PALLD: variants seen among roughly 807,000 people sequenced by gnomAD.
The protein encoded by PALLD is palladin.
PALLD carries 61 observed loss-of-function variants against 123.5 expected under a neutral mutation model. The ratio of observed to expected loss-of-function variants is 0.49; its 90% confidence interval spans 0.40 to 0.61. PALLD has a LOEUF of 0.61. Ranked by LOEUF, PALLD falls within the 20% of genes least tolerant of loss-of-function variation. The probability of loss-of-function intolerance (pLI) is 0.00; values close to 1 mark genes in which losing one functional copy is unlikely to be tolerated. For missense variants in PALLD, 1,273 were observed against 1,377.0 expected (o/e 0.92, Z 1.20); for synonymous variants, 465 against 496.4 (o/e 0.94, Z 0.84).
intron 2 of PALLD, chr4:168,631,539 C>A: frequency 1.2e-6 from 1 of 860,242 alleles, no homozygotes; most frequent in Non-Finnish European, 1.4e-6. Context: ...CTCCCCAGGA[C>A]ACACCCTCTC....
chr4:168,559,550 T>A (rs1241633880), intron 2 of PALLD, among the ~76,000 whole-genome samples: 1 of 152,136 alleles, frequency 6.6e-6, no homozygotes, highest in Non-Finnish European at 1.5e-5. Flanking sequence ...AAGAACATTA[T>A]TATAGTGATA....
intron 2 of PALLD, among the ~76,000 whole-genome samples, chr4:168,568,758 T>A (rs1461311367): frequency 6.6e-6 from 1 of 150,744 alleles, no homozygotes; most frequent in African/African-American, 2.4e-5. Flanking sequence ...ATATGTATAT[T>A]TTATATGTAA....
chr4:168,836,318 A>G (rs1745183203), intron 10 of PALLD, among the ~76,000 whole-genome samples: 1 of 152,240 alleles, frequency 6.6e-6, no homozygotes, highest in South Asian at 2.1e-4. Context: ...GGCTTATTTG[A>G]TGGAAAAGAT....
chr4:168,879,103 T>C (rs1752259421), intron 10 of PALLD, among the ~76,000 whole-genome samples: 1 of 152,224 alleles, frequency 6.6e-6, no homozygotes, highest in Non-Finnish European at 1.5e-5. Flanking sequence ...GAAATTATGA[T>C]GCCAGTTTTG....
chr4:168,911,563 G>A (rs956128735), intron 15 of PALLD, among the ~76,000 whole-genome samples: 10 of 152,160 alleles, frequency 6.6e-5, no homozygotes, highest in African/African-American at 2.2e-4. Flanking sequence ...GTGTTATCTT[G>A]TATGATGCAT....
At chr4:168,706,737 A>G (rs1028145932) in intron 8 of PALLD, among the ~76,000 whole-genome samples, 2 of 152,234 alleles carry the variant, frequency 1.3e-5, no homozygotes, top group African/African-American at 2.4e-5. Flanking sequence ...TATAGGCCAT[A>G]TTACTTGGTA....
At chr4:168,576,032 G>C (rs1049035913) in intron 2 of PALLD, among the ~76,000 whole-genome samples, 10 of 152,028 alleles carry the variant, frequency 6.6e-5, no homozygotes, top group African/African-American at 2.4e-4. Flanking sequence ...GTCTAGAAAG[G>C]ATAAAATCAT....
rs749480414 is a variant in PALLD at position 168,869,353 on chromosome 4, G to A, written c.1965-21569G>A. On this transcript the variant is annotated intron_variant, in intron 10 of 21. Coordinates refer to ENST00000505667, the MANE Select transcript of PALLD (RefSeq NM_001166108.2). The surrounding 1 kb of genome is among the most constrained non-coding windows in gnomAD (Gnocchi z 4.5). ...TGATAATGCCACTGCCAAACTGACA[G>A]TGCCATGCCAGCCTTGTGGGCTGGA... is the stretch of plus-strand genomic sequence containing the variant. Among the ~76,000 whole-genome samples the A allele has an allele frequency of 5.9e-5, 9 of 152,170 alleles. No individual in the cohort carries two copies. Among genetic ancestry groups the A allele is most frequent in the Non-Finnish European group, 1.2e-4 (8 of 68,030 alleles).
chr4:168,681,273 C>A, intron 3 of PALLD, 59 bp from the exon 4 acceptor site: 3 of 969,004 alleles, frequency 3.1e-6, no homozygotes, highest in South Asian at 1.3e-5. Flanking sequence ...TAATTCTTTG[C>A]AATTATTATA....
In PALLD at chr4:168,891,003, A is replaced by G. The variant is rs1178865222; in HGVS notation, c.2046A>G (p.Gln682=). The change falls in exon 11 of 22, where the codon CAA becomes CAG. Residue 682 remains glutamine, a synonymous_variant. Coordinates refer to ENST00000505667, the MANE Select transcript of PALLD (RefSeq NM_001166108.2). The stretch of plus-strand genomic sequence containing the variant: ...AAGGCACAAAGGATGCTGTTATTCA[A>G]GACCTGGAACGAAAACTTCGCTTCA... The part of the protein sequence containing the change: ...EIQGTKDAVI[Q]DLERKLRFKE... The G allele has an allele frequency of 6.2e-7, 1 of 1,614,156 alleles. No homozygotes were observed. Among genetic ancestry groups the G allele is most frequent in the Admixed American group, 1.7e-5 (1 of 60,028 alleles).
intron 18 of PALLD, among the ~76,000 whole-genome samples, chr4:168,922,338 G>T (rs1761750114): frequency 1.3e-5 from 2 of 152,140 alleles, no homozygotes; most frequent in South Asian, 4.2e-4. Flanking sequence ...GTTAGGTGTT[G>T]AGTACCTGAT....
At chr4:168,640,390 C>A (rs563297421) in intron 2 of PALLD, among the ~76,000 whole-genome samples, 1 of 152,304 alleles carries the variant, frequency 6.6e-6, no homozygotes, top group African/African-American at 2.4e-5. Flanking sequence ...CATTAAAAGT[C>A]CCTGGAATTC....
chr4:168,800,273 T>A (rs1273209036), intron 10 of PALLD, among the ~76,000 whole-genome samples: 2 of 152,142 alleles, frequency 1.3e-5, no homozygotes, highest in South Asian at 2.1e-4. Context: ...AATAAAAAAA[T>A]TCTGATCATT....
intron 2 of PALLD, among the ~76,000 whole-genome samples, chr4:168,522,853 G>A (rs556758483): frequency 1.3e-4 from 20 of 152,164 alleles, no homozygotes; most frequent in African/African-American, 4.8e-4. Context: ...CTAAACTGCT[G>A]GTCTCCTGAA....
chr4:168,722,758 A>T (rs867715340), intron 10 of PALLD, among the ~76,000 whole-genome samples: 1 of 152,220 alleles, frequency 6.6e-6, no homozygotes, highest in Non-Finnish European at 1.5e-5. Context: ...GAAACAGGAC[A>T]TATGTCTTTG....
intron 10 of PALLD, among the ~76,000 whole-genome samples, chr4:168,792,874 C>A (rs911721195): frequency 5.3e-5 from 8 of 150,698 alleles, no homozygotes; most frequent in Non-Finnish European, 7.4e-5. Flanking sequence ...TCAAGCGATT[C>A]TTCTACCTCA....
At chr4:168,545,850 A>G (rs988676446) in intron 2 of PALLD, among the ~76,000 whole-genome samples, 4 of 152,210 alleles carry the variant, frequency 2.6e-5, no homozygotes, top group Non-Finnish European at 5.9e-5. Context: ...CAGTTCTATC[A>G]TGTACAATTA....
intron 2 of PALLD, among the ~76,000 whole-genome samples, chr4:168,532,944 T>C (rs1390397435): frequency 1.3e-5 from 2 of 152,162 alleles, no homozygotes; most frequent in African/African-American, 4.8e-5. Flanking sequence ...AATAAAGCTC[T>C]TGATGCAATC....
At chr4:168,648,443 G>T (rs967447278) in intron 2 of PALLD, 1 of 152,132 alleles carries the variant, frequency 6.6e-6, no homozygotes, top group East Asian at 1.9e-4. Context: ...GGTCCATATG[G>T]GTATAAATTA....
Sources: allele counts gnomAD v4.1 joint callset (sites outside exome capture counted in the v4.1 genomes callset), GRCh38; gene constraint gnomAD v4.1.1; non-coding constraint Gnocchi (gnomAD v3.1); transcripts MANE v1.5; gene names NCBI Gene and HGNC (gene_info 2026-07-23, HGNC 2026-07-21).